RNF115: variants seen among roughly 807,000 people sequenced by gnomAD.
RNF115 encodes the protein ring finger protein 115, also known as E3 ubiquitin-protein ligase RNF115.
RNF115 carries 31 observed loss-of-function variants against 39.2 expected under a neutral mutation model. That is an observed-to-expected ratio of 0.79 (90% CI 0.59 to 1.07). RNF115 has a LOEUF of 1.07. Among genes scored for constraint, RNF115 ranks in the 50% least tolerant of loss-of-function variants. RNF115 has a pLI of 0.00. For missense variants in RNF115, 384 were observed against 381.7 expected, an observed-to-expected ratio of 1.01 and a Z score of -0.05; for synonymous variants, 124 against 131.0, an observed-to-expected ratio of 0.95 and a Z score of 0.37.
At chr1:145,787,711 ACCCCATCTC>A in intron 2 of RNF115, among the ~76,000 whole-genome samples, 1 of 152,060 alleles carries the variant, frequency 6.6e-6, no homozygotes, top group African/African-American at 2.4e-5. Context: ...ACACGGCAAA[ACCCCATCTC>A]TACTAAAAAT....
At chr1:145,795,016 CAAAAAA>C (rs782249648) in intron 1 of RNF115, among the ~76,000 whole-genome samples, 3 of 78,300 alleles carry the variant, frequency 3.8e-5, no homozygotes, top group East Asian at 4.4e-4. Flanking sequence ...GACTCCATTT[CAAAAAA>C]AAAAAAAAAA....
At chr1:145,753,533 C>T (rs1161568254) in intron 4 of RNF115, among the ~76,000 whole-genome samples, 3 of 152,126 alleles carry the variant, frequency 2.0e-5, no homozygotes, top group African/African-American at 7.2e-5. Flanking sequence ...ATGATTATAA[C>T]ACAAACACAT....
chr1:145,740,995 A>C lies in RNF115; in HGVS notation c.*5871T>G, dbSNP rs1344728745. ...TGGGACTACAGGTGCATGCCACCAC[A>C]CCTGGCTAATTTTTGTATTTTTAGT... is the stretch of plus-strand genomic sequence containing the variant. On this transcript the variant is annotated 3_prime_UTR_variant, in exon 9 of 9. Coordinates refer to ENST00000582693, the MANE Select transcript of RNF115 (RefSeq NM_014455.4). 2.0e-5 allele frequency: 3 copies of C among 152,038 alleles called. No homozygotes were observed. Among genetic ancestry groups the C allele is most frequent in the Non-Finnish European group, 4.4e-5 (3 of 68,030 alleles). The allele number at this position is 152,038 out of a possible 1,614,324, so 9.4% of individuals were successfully genotyped here.
intron 1 of RNF115, 68 bp from the exon 2 acceptor site, chr1:145,789,034 G>T: frequency 1.0e-6 from 1 of 953,188 alleles, no homozygotes; most frequent in South Asian, 1.3e-5. Flanking sequence ...TGTAGTTTCA[G>T]AATAACATGC....
In RNF115 at chr1:145,771,846, T is replaced by C; in HGVS notation, c.293A>G (p.Gln98Arg). 2 of 1,614,168 alleles carry C rather than the reference T, an allele frequency of 1.2e-6. No individual in the cohort carries two copies. ...ACCCCTTTCATTGGCTCTATTATCT[T>C]GGTCCAGTGGACTGCTACTTAGAAA... is the stretch of plus-strand genomic sequence containing the variant. ...RPFLSSSPLDQDNRANERGHQ... is the reference protein window; with the variant it reads ...RPFLSSSPLDRDNRANERGHQ... Residue 98 changes from glutamine to arginine, a missense_variant, in exon 4 of 9, where the codon CAA (glutamine) becomes CGA (arginine). Physicochemically the swap from Gln to Arg is conservative, Grantham distance 43. Transcript: ENST00000582693.
intron 1 of RNF115, among the ~76,000 whole-genome samples, chr1:145,789,307 C>A (rs1284817247): frequency 3.9e-5 from 6 of 152,114 alleles, no homozygotes; most frequent in African/African-American, 9.7e-5. Context: ...TGCTATGTTG[C>A]CCAAGCTGAT....
In RNF115 at chr1:145,745,183, T is replaced by G. The variant is rs1355961901; in HGVS notation, c.*1683A>C. ...TTAAGATTACTAGGAAAAAAGACAGTAAACAATGAGTTGAGCACTTTGAGA... is the reference window on the plus strand; with the variant it reads ...TTAAGATTACTAGGAAAAAAGACAGGAAACAATGAGTTGAGCACTTTGAGA... On this transcript the variant is annotated 3_prime_UTR_variant, in exon 9 of 9. Transcript: ENST00000582693. 6.6e-6 allele frequency: 1 copy of G among 152,170 alleles called. No homozygotes were observed. The highest frequency in any genetic ancestry group is 1.5e-5 in the Non-Finnish European group (1 of 68,036). The allele number at this position is 152,170 out of a possible 1,614,324, so 9.4% of individuals were successfully genotyped here.
intron 2 of RNF115, among the ~76,000 whole-genome samples, chr1:145,785,684 T>C (rs891205660): frequency 6.6e-6 from 1 of 152,154 alleles, no homozygotes; most frequent in African/African-American, 2.4e-5. Flanking sequence ...AGGATTACAA[T>C]ACCAATCCAG....
intron 1 of RNF115, among the ~76,000 whole-genome samples, chr1:145,800,129 G>A (rs1649163147): frequency 6.6e-6 from 1 of 152,104 alleles, no homozygotes; most frequent in Non-Finnish European, 1.5e-5. Flanking sequence ...AAACATAGTC[G>A]GGTGAAGAAA....
At chr1:145,819,510 TCA>T (rs1650141383) in intron 1 of RNF115, among the ~76,000 whole-genome samples, 1 of 152,124 alleles carries the variant, frequency 6.6e-6, no homozygotes, top group Non-Finnish European at 1.5e-5. Flanking sequence ...CCAGACGGAC[TCA>T]CAGCCAAACC....
chr1:145,758,678 A>C lies in RNF115; in HGVS notation c.429-5629T>G, dbSNP rs370709862. On this transcript the variant is annotated intron_variant, in intron 4 of 8. Coordinates refer to ENST00000582693, the MANE Select transcript of RNF115 (RefSeq NM_014455.4). Reference sequence around the variant, plus strand: ...GATAGCCTAGTTCTTGAAGCTGTAAAAGTCAATCCTATATGAATGCTTGGA... The same window carrying C: ...GATAGCCTAGTTCTTGAAGCTGTAACAGTCAATCCTATATGAATGCTTGGA... Among the ~76,000 whole-genome samples the C allele has an allele frequency of 4.1e-4, 62 of 152,194 alleles. 1 individual carries two copies. The highest frequency in any genetic ancestry group is 6.3e-3 in the Middle Eastern group (2 of 316).
intron 3 of RNF115, among the ~76,000 whole-genome samples, chr1:145,778,590 G>A (rs587752904): frequency 6.6e-6 from 1 of 152,190 alleles, no homozygotes; most frequent in East Asian, 1.9e-4. Flanking sequence ...AAAGTTCACA[G>A]GCGATTTTGT....
At chr1:145,804,525 A>ACACT (rs1649385226) in intron 1 of RNF115, among the ~76,000 whole-genome samples, 1 of 151,946 alleles carries the variant, frequency 6.6e-6, no homozygotes, top group African/African-American at 2.4e-5. Flanking sequence ...ACACACACAC[A>ACACT]CACACACAAT....
rs758055338 is a variant in RNF115, at chr1:145,747,869, A to G, written c.783+126T>C. On this transcript the variant is annotated intron_variant, in intron 8 of 8. Transcript: ENST00000582693. Reference sequence around the variant, plus strand: ...CCTTGGTCAGAAAAGTTCCAAACAAATAACAGTATCAGAGTAAGCCAGGGA... The same window carrying G: ...CCTTGGTCAGAAAAGTTCCAAACAAGTAACAGTATCAGAGTAAGCCAGGGA... The G allele has an allele frequency of 1.2e-3, 820 of 691,136 alleles. 5 individuals carry two copies. The highest frequency in any genetic ancestry group is 6.7e-4 in the Non-Finnish European group (263 of 393,868). 42.8% of individuals were successfully genotyped at this position (691,136 alleles called of 1,614,324 possible). A position where few individuals can be genotyped will look rare whatever the true frequency, so the allele number is the denominator to read the frequency against.
intron 1 of RNF115, among the ~76,000 whole-genome samples, chr1:145,814,412 G>T (rs1419641191): frequency 6.6e-6 from 1 of 151,826 alleles, no homozygotes; most frequent in Non-Finnish European, 1.5e-5. Flanking sequence ...TGAAACCCTC[G>T]TCTCTACTAA....
chr1:145,797,659 C>T (rs1649044017), intron 1 of RNF115, among the ~76,000 whole-genome samples: 1 of 152,088 alleles, frequency 6.6e-6, no homozygotes, highest in Admixed American at 6.6e-5. Context: ...GATACATATC[C>T]AGAAATGAGT....
At position 145,763,481 on chromosome 1, in the gene RNF115, T is replaced by C. The variant is rs144307383; in HGVS notation, c.428+8230A>G. Among the ~76,000 whole-genome samples the C allele has an allele frequency of 2.9e-3, 440 of 152,310 alleles. 3 individuals are homozygous for C. The highest frequency in any genetic ancestry group is 0.01 in the African/African-American group (424 of 41,568). On this transcript the variant is annotated intron_variant, in intron 4 of 8. Coordinates refer to ENST00000582693, the MANE Select transcript of RNF115 (RefSeq NM_014455.4). ...GGGAGGCCAAAGCAGGCAGATCACT[T>C]GAGATCAGGAGTTCGAGACCAGCCT... is the stretch of plus-strand genomic sequence containing the variant.
At chr1:145,752,882 C>T (rs1553712679) in intron 5 of RNF115, 96 bp downstream of exon 5, 2 of 856,780 alleles carry the variant, frequency 2.3e-6, no homozygotes, top group Non-Finnish European at 3.8e-6. Context: ...CCACCGCACC[C>T]GGCCTATGCA....
intron 8 of RNF115, 29 bp from the exon 9 acceptor site, chr1:145,747,026 A>T: frequency 1.3e-6 from 2 of 1,596,970 alleles, no homozygotes; most frequent in Non-Finnish European, 1.7e-6. Flanking sequence ...AGTCTATGTG[A>T]AGATCCTGGC....
Sources: allele counts gnomAD v4.1 joint callset (sites outside exome capture counted in the v4.1 genomes callset), GRCh38; gene constraint gnomAD v4.1.1; transcripts MANE v1.5; gene names NCBI Gene and HGNC (gene_info 2026-07-23, HGNC 2026-07-21).